The following ECHDC3 variants were observed in gnomAD, a reference collection of about 807,000 sequenced individuals.
ECHDC3 encodes the protein enoyl-CoA hydratase domain-containing protein 3, mitochondrial.
A neutral mutation model predicts 17.9 loss-of-function variants in ECHDC3; 20 were observed. That is an observed-to-expected ratio of 1.12 (90% confidence interval 0.79 to 1.63). The LOEUF is 1.63. Among genes scored for constraint, ECHDC3 ranks in the 40% most tolerant of loss-of-function variants. The pLI is 0.00. For missense variants in ECHDC3, 407 were observed against 357.7 expected, an observed-to-expected ratio of 1.14 and a Z score of -1.11; for synonymous variants, 177 against 149.7, an observed-to-expected ratio of 1.18 and a Z score of -1.33.
intron 1 of ECHDC3, chr10:11,743,032 G>T (rs1031132020): frequency 6.5e-6 from 2 of 308,970 alleles, no homozygotes; most frequent in South Asian, 3.1e-4. Context: ...CTGGGCCCCA[G>T]ACCCGGCCCT....
Position 11,763,766 on chromosome 10 carries a change from T to C in ECHDC3, c.*222T>C. The C allele has an allele frequency of 7.5e-7, 1 of 1,333,712 alleles. No homozygotes were observed. Among genetic ancestry groups the C allele is most frequent in the Non-Finnish European group, 9.6e-7 (1 of 1,043,636 alleles). 82.6% of individuals were successfully genotyped at this position (1,333,712 alleles called of 1,614,324 possible). ...ACCTCAGTGCAAGGCTGGTGAACCC[T>C]GCAGCGGGCCAGCTATGGTGGGAAG... On this transcript the variant is annotated 3_prime_UTR_variant, in exon 5 of 5. Coordinates refer to ENST00000379215, the MANE Select transcript of ECHDC3 (RefSeq NM_024693.5). The surrounding 1 kb of genome is among the most constrained non-coding windows in gnomAD (Gnocchi z 4.9).
chr10:11,755,678 TGATTCAA>T, intron 4 of ECHDC3, 70 bp downstream of exon 4: 1 of 1,381,796 alleles, frequency 7.2e-7, no homozygotes, highest in Non-Finnish European at 9.9e-7. Context: ...GTGCATGCGA[TGATTCAA>T]GATCCGCTTG....
chr10:11,748,602 A>T (rs1311783006), intron 2 of ECHDC3, among the ~76,000 whole-genome samples: 2 of 151,968 alleles, frequency 1.3e-5, no homozygotes, highest in African/African-American at 4.8e-5. Context: ...GATAACTACA[A>T]CAGCCAGGCA....
intron 3 of ECHDC3, 132 bp from the exon 4 acceptor site, chr10:11,755,276 G>T (rs893170386): frequency 1.3e-5 from 10 of 787,436 alleles, no homozygotes; most frequent in Admixed American, 1.2e-4. Flanking sequence ...CAGTGAGCCA[G>T]GATCTTGCCA....
intron 2 of ECHDC3, 79 bp from the exon 3 acceptor site, chr10:11,749,416 G>T (rs1588462942): frequency 2.2e-6 from 3 of 1,372,740 alleles, no homozygotes; most frequent in East Asian, 4.6e-5. Flanking sequence ...TTATTCAGTA[G>T]ACAAGGAAGG....
intron 1 of ECHDC3, 169 bp from the exon 2 acceptor site, chr10:11,747,180 A>C: frequency 1.3e-6 from 1 of 774,934 alleles, no homozygotes; most frequent in Non-Finnish European, 1.9e-6. Context: ...TCTTGTTTTG[A>C]CTTGGCTGTA....
At chr10:11,743,990 A>T (rs777658776) in intron 1 of ECHDC3, among the ~76,000 whole-genome samples, 1 of 152,258 alleles carries the variant, frequency 6.6e-6, no homozygotes, top group Non-Finnish European at 1.5e-5. Flanking sequence ...AAGCAGCATT[A>T]TGTTGGGCAC....
chr10:11,759,789 G>A (rs1053488075), intron 4 of ECHDC3, among the ~76,000 whole-genome samples: 1 of 152,230 alleles, frequency 6.6e-6, no homozygotes, highest in Non-Finnish European at 1.5e-5. Flanking sequence ...TCTGCAGTTG[G>A]CCTAGTTGTG....
chr10:11,752,494 G>A (rs7920267), intron 3 of ECHDC3, among the ~76,000 whole-genome samples: 141,899 of 151,996 alleles, frequency 0.93, 67,077 homozygotes, highest in East Asian at 1. Context: ...AAAGATTACC[G>A]ATGTCATACC....
chr10:11,748,075 T>C (rs1197817385), intron 2 of ECHDC3, among the ~76,000 whole-genome samples: 1 of 152,232 alleles, frequency 6.6e-6, no homozygotes, highest in Admixed American at 6.5e-5. Context: ...TCAGTGTTTC[T>C]GGAGGCAGAA....
chr10:11,752,988 T>C (rs1832843384), intron 3 of ECHDC3, among the ~76,000 whole-genome samples: 1 of 152,282 alleles, frequency 6.6e-6, no homozygotes, highest in African/African-American at 2.4e-5. Flanking sequence ...AGTTTGTTAC[T>C]ATTACAAAAT....
At chr10:11,743,180 A>C (rs1183476775) in intron 1 of ECHDC3, among the ~76,000 whole-genome samples, 2 of 152,278 alleles carry the variant, frequency 1.3e-5, no homozygotes, top group East Asian at 3.9e-4. Flanking sequence ...AAACTCTTAA[A>C]AATGTGCTTG....
Position 11,747,444 on chromosome 10 carries a change from A to G in ECHDC3, c.266A>G (p.Asn89Ser). 6.2e-7 allele frequency: 1 copy of G among 1,614,004 alleles called. No individual in the cohort carries two copies. Among genetic ancestry groups the G allele is most frequent in the African/African-American group, 1.3e-5 (1 of 75,048 alleles). The change falls in exon 2 of 5, where the codon AAC (asparagine) becomes AGC (serine). Residue 89 changes from asparagine (N) to serine (S), a missense_variant. Transcript: ENST00000379215. ...GACATTCTTCATGACGCTGACAGCAACGATCTGAAAGTCATTATCATCTCG... is the reference window on the plus strand; with the variant it reads ...GACATTCTTCATGACGCTGACAGCAGCGATCTGAAAGTCATTATCATCTCG... ...QSDILHDADSNDLKVIIISAE... is the reference protein window; with the variant it reads ...QSDILHDADSSDLKVIIISAE...
At chr10:11,746,229 G>C (rs1832757312) in intron 1 of ECHDC3, among the ~76,000 whole-genome samples, 1 of 151,314 alleles carries the variant, frequency 6.6e-6, no homozygotes. Flanking sequence ...TTGGGAGCCT[G>C]AGGCAAGAGA....
chr10:11,747,767 T>G lies in ECHDC3; in HGVS notation c.292+297T>G, dbSNP rs151209392. 5.1e-3 allele frequency among the ~76,000 whole-genome samples: 779 copies of G among 152,320 alleles called. 6 individuals are homozygous for G. Among genetic ancestry groups the G allele is most frequent in the Non-Finnish European group, 7.3e-3 (497 of 68,034 alleles). On this transcript the variant is annotated intron_variant, in intron 2 of 4. Transcript: ENST00000379215. Reference sequence around the variant, plus strand: ...TCCCCTCAAAATCAGAGAACTGATTTCTTCATGGACCTTATAAAATGGGTT... The same window carrying G: ...TCCCCTCAAAATCAGAGAACTGATTGCTTCATGGACCTTATAAAATGGGTT...
chr10:11,764,053 A>T lies in ECHDC3; in HGVS notation c.*509A>T. On this transcript the variant is annotated 3_prime_UTR_variant, in exon 5 of 5. Transcript: ENST00000379215. ...GAATAATCTTATGTGATTTAAATAA[A>T]TTAAATCTTTATAGAGACTGGTATG... 1 of 743,914 alleles carries T rather than the reference A, an allele frequency of 1.3e-6. No individual in the cohort carries two copies. Among genetic ancestry groups the T allele is most frequent in the Non-Finnish European group, 1.6e-6 (1 of 609,170 alleles). The allele number at this position is 743,914 out of a possible 1,614,324, so 46.1% of individuals were successfully genotyped here.
chr10:11,758,000 A>T (rs909192804), intron 4 of ECHDC3, among the ~76,000 whole-genome samples: 5 of 152,078 alleles, frequency 3.3e-5, no homozygotes, highest in African/African-American at 1.2e-4. Flanking sequence ...CGTGTCCCTC[A>T]TACACCCACA....
intron 4 of ECHDC3, among the ~76,000 whole-genome samples, chr10:11,760,111 T>G (rs1832931025): frequency 6.6e-6 from 1 of 152,212 alleles, no homozygotes; most frequent in Non-Finnish European, 1.5e-5. Flanking sequence ...GATGGACAAT[T>G]TTTCCCCCAG....
rs575865537 is a variant in ECHDC3 at position 11,756,043 on chromosome 10, C to T, written c.591+435C>T. 3.3e-3 allele frequency among the ~76,000 whole-genome samples: 509 copies of T among 152,292 alleles called. 2 individuals carry two copies. Among genetic ancestry groups the T allele is most frequent in the African/African-American group, 0.012 (490 of 41,554 alleles). Reference sequence around the variant, plus strand: ...TATCAAGAGCCTAGGATAGTAGTGTCGCTGGCTCACTCTTCATCAACAGTC... The same window carrying T: ...TATCAAGAGCCTAGGATAGTAGTGTTGCTGGCTCACTCTTCATCAACAGTC... On this transcript the variant is annotated intron_variant, in intron 4 of 4. Transcript: ENST00000379215.
Sources: gnomAD v4.1 joint callset for allele counts (sites outside exome capture counted in the v4.1 genomes callset) on GRCh38, gnomAD v4.1.1 for gene constraint, Gnocchi (gnomAD v3.1) non-coding constraint, MANE v1.5 for transcripts, NCBI Gene and HGNC (gene_info 2026-07-23, HGNC 2026-07-21) for gene names.